The following SLIT1 variants were observed in gnomAD, a reference collection of about 807,000 sequenced individuals.
SLIT1 encodes the protein slit homolog 1 protein.
A neutral mutation model predicts 186.1 loss-of-function variants in SLIT1; 66 were observed. The ratio of observed to expected loss-of-function variants is 0.35; its 90% confidence interval spans 0.29 to 0.44. The LOEUF (loss-of-function observed/expected upper bound fraction) is 0.44, where lower values mean the gene tolerates loss of function less well. Among genes scored for constraint, SLIT1 ranks in the 20% least tolerant of loss-of-function variants. The pLI is 1.00. For synonymous variants in SLIT1, 761 were observed against 833.8 expected (o/e 0.91, Z 1.50); for missense variants, 1,638 against 2,037.4 (o/e 0.80, Z 3.77).
At position 97,068,386 on chromosome 10, in the gene SLIT1, CCA is replaced by C. The variant is rs1352372165; in HGVS notation, c.414-2302_414-2301del. Among the ~76,000 whole-genome samples the C allele has an allele frequency of 2.6e-5, 4 of 152,154 alleles. No individual in the cohort carries two copies. Among genetic ancestry groups the C allele is most frequent in the African/African-American group, 4.8e-5 (2 of 41,420 alleles). ...TGGCAAAGCAATTGCCTTCCCGTCCCCACAGAGTGGGCACCAACATCTATGTG... is the reference window on the plus strand; with the variant it reads ...TGGCAAAGCAATTGCCTTCCCGTCCCCAGAGTGGGCACCAACATCTATGTG... On this transcript the variant is annotated intron_variant, in intron 4 of 36. Coordinates refer to ENST00000266058, the MANE Select transcript of SLIT1 (RefSeq NM_003061.3). This position sits in a 1 kb window ranked among gnomAD's most constrained non-coding sequence, Gnocchi z 4.2.
chr10:97,097,816 C>T (rs1393495161), intron 4 of SLIT1, among the ~76,000 whole-genome samples: 1 of 152,190 alleles, frequency 6.6e-6, no homozygotes, highest in Admixed American at 6.5e-5. Context: ...GGAAGGCCTT[C>T]CCCAGCCATA....
At chr10:97,055,614 C>A (rs1305629041) in intron 13 of SLIT1, among the ~76,000 whole-genome samples, 5 of 152,216 alleles carry the variant, frequency 3.3e-5, no homozygotes, top group Non-Finnish European at 7.3e-5. Context: ...AAGCAATCCT[C>A]CTGCCTCAGC....
At chr10:97,141,307 C>G (rs1849755155) in intron 4 of SLIT1, among the ~76,000 whole-genome samples, 1 of 152,190 alleles carries the variant, frequency 6.6e-6, no homozygotes, top group East Asian at 1.9e-4. Context: ...AATCTGCTTC[C>G]TTGTCCTCAT....
chr10:97,061,753 T>C (rs1245195888), intron 8 of SLIT1, among the ~76,000 whole-genome samples: 1 of 152,206 alleles, frequency 6.6e-6, no homozygotes, highest in Non-Finnish European at 1.5e-5. Context: ...TTTGGACATT[T>C]TTGCAGAAAA....
intron 12 of SLIT1, 92 bp downstream of exon 12, chr10:97,057,118 C>T: frequency 1.0e-6 from 1 of 971,418 alleles, no homozygotes; most frequent in East Asian, 2.5e-5. Flanking sequence ...GAGTCCCATA[C>T]CCAAGAGAGG....
chr10:97,110,959 T>G (rs1487693449), intron 4 of SLIT1, among the ~76,000 whole-genome samples: 1 of 152,178 alleles, frequency 6.6e-6, no homozygotes, highest in Non-Finnish European at 1.5e-5. Context: ...TCCCAGCACT[T>G]TGGGATAAAT....
intron 4 of SLIT1, among the ~76,000 whole-genome samples, chr10:97,088,508 T>C (rs1465080162): frequency 6.6e-6 from 1 of 152,252 alleles, no homozygotes; most frequent in African/African-American, 2.4e-5. Context: ...TCTGGGAATG[T>C]AAATGAAATG....
chr10:97,097,776 A>G (rs553953253), intron 4 of SLIT1, among the ~76,000 whole-genome samples: 1 of 152,300 alleles, frequency 6.6e-6, no homozygotes, highest in East Asian at 1.9e-4. Context: ...CAGGCAAAAT[A>G]TTAAATTTCT....
intron 4 of SLIT1, among the ~76,000 whole-genome samples, chr10:97,095,006 G>A (rs1470518449): frequency 1.3e-5 from 2 of 152,184 alleles, no homozygotes; most frequent in Non-Finnish European, 2.9e-5. Flanking sequence ...AGATAGGCCA[G>A]GTGCAGTGGC....
chr10:97,028,976 C>A (rs959769455), intron 25 of SLIT1, among the ~76,000 whole-genome samples: 2 of 152,192 alleles, frequency 1.3e-5, no homozygotes, highest in Non-Finnish European at 2.9e-5. Context: ...AATCACAGCA[C>A]CCCTCCCACT....
chr10:97,130,736 G>A (rs1241130093), intron 4 of SLIT1, among the ~76,000 whole-genome samples: 2 of 152,126 alleles, frequency 1.3e-5, no homozygotes, highest in African/African-American at 2.4e-5. Context: ...CTTATACTTC[G>A]TAGGGCTACT....
chr10:97,029,284 A>G (rs1589367503), intron 25 of SLIT1, among the ~76,000 whole-genome samples: 1 of 152,234 alleles, frequency 6.6e-6, no homozygotes, highest in Admixed American at 6.5e-5. Context: ...AGAGTTTAAA[A>G]TGTAGAAAAG....
At chr10:97,039,125 C>T (rs1848667507) in intron 21 of SLIT1, among the ~76,000 whole-genome samples, 1 of 152,128 alleles carries the variant, frequency 6.6e-6, no homozygotes, top group Admixed American at 6.5e-5. Context: ...GCTGGTAATG[C>T]AAGAAATAAC....
At position 97,050,106 on chromosome 10, in the gene SLIT1, C is replaced by T. The variant is rs149351516; in HGVS notation, c.1302-988G>A. On this transcript the variant is annotated intron_variant, in intron 13 of 36. Coordinates refer to ENST00000266058, the MANE Select transcript of SLIT1 (RefSeq NM_003061.3). ...GAGGTTGCGGTGAGCTGAGATTGTG[C>T]CACTGCACTCCAGCCTGGTCAACAA... 2.7e-3 allele frequency among the ~76,000 whole-genome samples: 410 copies of T among 152,262 alleles called. 3 individuals are homozygous for T. The highest frequency in any genetic ancestry group is 3.8e-3 in the Non-Finnish European group (257 of 68,002).
intron 31 of SLIT1, among the ~76,000 whole-genome samples, chr10:97,008,557 G>A (rs971221766): frequency 6.6e-6 from 1 of 152,078 alleles, no homozygotes. Context: ...TTAGCCAGGC[G>A]TGGTGGCACA....
intron 4 of SLIT1, among the ~76,000 whole-genome samples, chr10:97,091,073 G>C (rs1424447711): frequency 6.6e-6 from 1 of 152,222 alleles, no homozygotes; most frequent in Non-Finnish European, 1.5e-5. Context: ...TAGCTACTCT[G>C]TTCACTCCGG....
intron 4 of SLIT1, 152 bp downstream of exon 4, chr10:97,157,666 G>T (rs900020625): frequency 4.7e-5 from 32 of 674,716 alleles, no homozygotes; most frequent in Non-Finnish European, 7.2e-5. Flanking sequence ...GAAAGGGCCT[G>T]GCCTTTGATG....
chr10:97,057,935 A>AC, intron 11 of SLIT1: 1 of 715,304 alleles, frequency 1.4e-6, no homozygotes, highest in Non-Finnish European at 2.6e-6. Flanking sequence ...TCATAATCGG[A>AC]CCCCACAAGC....
Position 97,047,475 on chromosome 10 carries a change from AT to A in SLIT1, c.1634+214del, listed in dbSNP as rs1336662914. ...CCTGCCCTGAGTGCCAGAGACTGGC[AT>A]CTGCTTTTGATGGGTGAGGGGGGCT... is the stretch of plus-strand genomic sequence containing the variant. On this transcript the variant is annotated intron_variant, in intron 16 of 36. Coordinates refer to ENST00000266058, the MANE Select transcript of SLIT1 (RefSeq NM_003061.3). Among the ~76,000 whole-genome samples, 4 of 152,230 alleles carry A rather than the reference AT, an allele frequency of 2.6e-5. No individual in the cohort carries two copies. In the East Asian group the frequency reaches 7.7e-4, roughly 29 times the overall value.
Sources: gnomAD v4.1 joint callset for allele counts (sites outside exome capture counted in the v4.1 genomes callset) on GRCh38, gnomAD v4.1.1 for gene constraint, Gnocchi (gnomAD v3.1) non-coding constraint, MANE v1.5 for transcripts, NCBI Gene and HGNC (gene_info 2026-07-23, HGNC 2026-07-21) for gene names.